The following SCARA3 variants were observed in gnomAD, a reference collection of about 807,000 sequenced individuals.
SCARA3 encodes the protein cellular stress response gene protein.
A neutral mutation model predicts 47.0 loss-of-function variants in SCARA3; 39 were observed. The observed-to-expected ratio is 0.83, with a 90% CI of 0.64 to 1.08. The LOEUF is 1.08. Ranked by LOEUF, SCARA3 falls within the 50% of genes least tolerant of loss-of-function variation. SCARA3 has a pLI of 0.00. For missense variants in SCARA3, 724 were observed against 792.3 expected, an observed-to-expected ratio of 0.91 and a Z score of 1.04; for synonymous variants, 356 against 334.1, an observed-to-expected ratio of 1.07 and a Z score of -0.71.
the SCARA3 span, among the ~76,000 whole-genome samples, chr8:27,682,764 A>G: frequency 2.8e-3 from 420 of 152,308 alleles, 2 homozygotes; most frequent in Non-Finnish European, 5.0e-3. Context: ...ATACATTGTT[A>G]TAGGGAATGT....
At chr8:27,661,076 C>A (rs983613560) in intron 5 of SCARA3, among the ~76,000 whole-genome samples, 2 of 152,070 alleles carry the variant, frequency 1.3e-5, no homozygotes, top group South Asian at 4.1e-4. Flanking sequence ...TGAGCCTGCT[C>A]ACGCCAGGGA....
chr8:27,647,247 C>A (rs1309766022), intron 1 of SCARA3, among the ~76,000 whole-genome samples: 7 of 152,326 alleles, frequency 4.6e-5, no homozygotes, highest in African/African-American at 1.7e-4. Flanking sequence ...CACACATGTG[C>A]ACACATACAC....
intron 4 of SCARA3, among the ~76,000 whole-genome samples, chr8:27,657,721 T>C (rs1221420153): frequency 6.6e-6 from 1 of 151,468 alleles, no homozygotes; most frequent in Non-Finnish European, 1.5e-5. Context: ...TTTGTATTTT[T>C]AGTAGAGATG....
chr8:27,656,879 G>C lies in SCARA3; in HGVS notation c.324G>C (p.Leu108=). 6.3e-7 allele frequency: 1 copy of C among 1,587,596 alleles called. No individual in the cohort carries two copies. Among genetic ancestry groups the C allele is most frequent in the Non-Finnish European group, 8.7e-7 (1 of 1,155,716 alleles). The change falls in exon 4 of 6, where the codon CTG becomes CTC. Residue 108 remains leucine (L), a splice_region_variant and synonymous_variant. Coordinates refer to ENST00000301904, the MANE Select transcript of SCARA3 (RefSeq NM_016240.3). ...LVLMQKNLQG[L]DPKALNNCSF... ...TAATGCAGAAAAATCTCCAGGGCCT[G>C]GGTAAGTAGATGGGCTGATGACTGT...
chr8:27,692,193 G>A, the SCARA3 span, among the ~76,000 whole-genome samples: 1 of 152,118 alleles, frequency 6.6e-6, no homozygotes, highest in African/African-American at 2.4e-5. Context: ...AGCACTTTGG[G>A]TGGATCACCT....
At chr8:27,700,702 G>C in the SCARA3 span, among the ~76,000 whole-genome samples, 1 of 152,058 alleles carries the variant, frequency 6.6e-6, no homozygotes, top group Non-Finnish European at 1.5e-5. Flanking sequence ...AAGTGTTCCA[G>C]CTTCATTAAT....
At chr8:27,637,120 C>T (rs1227622502) in intron 1 of SCARA3, among the ~76,000 whole-genome samples, 2 of 152,236 alleles carry the variant, frequency 1.3e-5, no homozygotes, top group Admixed American at 6.5e-5. Flanking sequence ...CAAGAAAACA[C>T]GCTAGTCGGG....
the SCARA3 span, among the ~76,000 whole-genome samples, chr8:27,714,632 C>CTATATT: frequency 6.6e-6 from 1 of 152,090 alleles, no homozygotes; most frequent in Non-Finnish European, 1.5e-5. Context: ...ATACACCCAT[C>CTATATT]TATATTTATA....
the SCARA3 span, among the ~76,000 whole-genome samples, chr8:27,705,667 G>A: frequency 1.3e-5 from 2 of 152,188 alleles, no homozygotes; most frequent in African/African-American, 4.8e-5. Context: ...CATGTGCCAC[G>A]CACCGTGCAT....
the SCARA3 span, among the ~76,000 whole-genome samples, chr8:27,709,021 GA>G: frequency 6.6e-6 from 1 of 152,172 alleles, no homozygotes; most frequent in African/African-American, 2.4e-5. Context: ...TTCTGGGTAG[GA>G]AGCACAGAGA....
At chr8:27,646,760 C>T (rs1211867949) in intron 1 of SCARA3, among the ~76,000 whole-genome samples, 1 of 152,170 alleles carries the variant, frequency 6.6e-6, no homozygotes, top group East Asian at 1.9e-4. Context: ...CCCTGCCTTG[C>T]CCCAGCCATT....
the SCARA3 span, among the ~76,000 whole-genome samples, chr8:27,726,227 C>A: frequency 0.27 from 41,556 of 151,550 alleles, 6,620 homozygotes; most frequent in Middle Eastern, 0.4. Context: ...GGTGACATAG[C>A]AAGACCTGCA....
At chr8:27,697,547 C>A in the SCARA3 span, 1 of 152,212 alleles carries the variant, frequency 6.6e-6, no homozygotes, top group Non-Finnish European at 1.5e-5. Context: ...TACTCAGAGC[C>A]CCACCAGACC....
At chr8:27,639,585 A>G (rs1364109043) in intron 1 of SCARA3, among the ~76,000 whole-genome samples, 8 of 152,190 alleles carry the variant, frequency 5.3e-5, no homozygotes, top group Admixed American at 2.6e-4. Context: ...TGAGTGCTCC[A>G]TAAAGGACAC....
intron 1 of SCARA3, among the ~76,000 whole-genome samples, chr8:27,635,794 CAACACACA>C (rs34662586): frequency 1.3e-5 from 2 of 152,224 alleles, no homozygotes; most frequent in East Asian, 3.9e-4. Flanking sequence ...CCCCTCCCAC[CAACACACA>C]AACACACACA....
the SCARA3 span, among the ~76,000 whole-genome samples, chr8:27,724,571 C>T: frequency 6.6e-6 from 1 of 152,134 alleles, no homozygotes; most frequent in Non-Finnish European, 1.5e-5. Flanking sequence ...GGCAGGAGAA[C>T]CGTTTGAACC....
At chr8:27,691,882 A>G in the SCARA3 span, among the ~76,000 whole-genome samples, 2 of 152,136 alleles carry the variant, frequency 1.3e-5, no homozygotes, top group Admixed American at 1.3e-4. Flanking sequence ...AGATCCAGCA[A>G]TTCCAATAAG....
At chr8:27,651,365 A>C in intron 2 of SCARA3, 143 bp from the exon 3 acceptor site, 1 of 969,278 alleles carries the variant, frequency 1.0e-6, no homozygotes, top group Non-Finnish European at 1.5e-6. Context: ...TAGGACAGGT[A>C]GAGAATGAGG....
In SCARA3 at chr8:27,671,784, T is replaced by C. The variant is rs1036707; in HGVS notation, c.*433T>C. 0.073 allele frequency: 72,173 copies of C among 993,262 alleles called. 2,820 individuals carry two copies. The highest frequency in any genetic ancestry group is 0.21 in the East Asian group (1,921 of 9,314). The allele number at this position is 993,262 out of a possible 1,614,324, so 61.5% of individuals were successfully genotyped here. A position where few individuals can be genotyped will look rare whatever the true frequency, so the allele number is the denominator to read the frequency against. ...CACATGTACGCACACACACATGCAC[T>C]GCACACATATCCATGCACACAAACA... On this transcript the variant is annotated 3_prime_UTR_variant, in exon 6 of 6. Coordinates refer to ENST00000301904, the MANE Select transcript of SCARA3 (RefSeq NM_016240.3).
Sources: gnomAD v4.1 joint callset for allele counts (sites outside exome capture counted in the v4.1 genomes callset) on GRCh38, gnomAD v4.1.1 for gene constraint, MANE v1.5 for transcripts, NCBI Gene and HGNC (gene_info 2026-07-23, HGNC 2026-07-21) for gene names.